The following PCDHA7 variants were observed in gnomAD, a reference collection of about 807,000 sequenced individuals.
The protein encoded by PCDHA7 is protocadherin alpha-7.
PCDHA7 carries 37 observed loss-of-function variants against 57.2 expected under a neutral mutation model. That is an observed-to-expected ratio of 0.65 (90% CI 0.50 to 0.85). The LOEUF is 0.85. Among genes scored for constraint, PCDHA7 ranks in the 40% least tolerant of loss-of-function variants. The pLI, the probability that PCDHA7 is intolerant of heterozygous loss-of-function variation, is 0.00. For synonymous variants in PCDHA7, 553 were observed against 558.8 expected (o/e 0.99, Z 0.15); for missense variants, 1,188 against 1,241.8 (o/e 0.96, Z 0.65).
At chr5:140,967,618 G>T in intron 1 of PCDHA7, 3 of 1,614,174 alleles carry the variant, frequency 1.9e-6, no homozygotes, top group Non-Finnish European at 2.5e-6. Context: ...CCTCAGACCC[G>T]GATGAGGGCT....
intron 1 of PCDHA7, chr5:140,928,089 T>G: frequency 6.2e-7 from 1 of 1,614,192 alleles, no homozygotes; most frequent in Non-Finnish European, 8.5e-7. Context: ...GCCTGCTGAT[T>G]GATGGGCCCC....
intron 3 of PCDHA7, chr5:140,989,128 G>T (rs2097330831): frequency 1.3e-5 from 2 of 152,178 alleles, no homozygotes; most frequent in Non-Finnish European, 2.9e-5. Flanking sequence ...AGAAAAATAA[G>T]ACACTTTATC....
intron 3 of PCDHA7, among the ~76,000 whole-genome samples, chr5:141,003,559 T>C (rs2098129977): frequency 6.6e-6 from 1 of 152,106 alleles, no homozygotes; most frequent in Admixed American, 6.5e-5. Context: ...GTGATCCACC[T>C]GCCTCAGACT....
At position 140,850,766 on chromosome 5, in the gene PCDHA7, G is replaced by A. The variant is rs2150497576; in HGVS notation, c.2355+14028G>A. The A allele has an allele frequency of 3.1e-6, 5 of 1,598,074 alleles. No homozygotes were observed. In the South Asian group the frequency reaches 4.4e-5, roughly 14 times the overall value. On this transcript the variant is annotated intron_variant, in intron 1 of 3. Coordinates refer to ENST00000525929, the MANE Select transcript of PCDHA7 (RefSeq NM_018910.3). ...CGTACTCGCAGCAGAGGAGGCAGAG[G>A]GTGTGCTCTGGCGAGGGTAAGCAGA...
At chr5:140,897,458 G>A (rs191522392) in intron 1 of PCDHA7, among the ~76,000 whole-genome samples, 7 of 151,428 alleles carry the variant, frequency 4.6e-5, no homozygotes, top group African/African-American at 2.4e-5. Context: ...TTGTCCTTGC[G>A]ATAGTTTACT....
chr5:141,006,343 C>T (rs1036137270), intron 3 of PCDHA7, among the ~76,000 whole-genome samples: 41 of 152,038 alleles, frequency 2.7e-4, no homozygotes, highest in African/African-American at 8.9e-4. Context: ...TCCTGAGTAG[C>T]TGGGACTATA....
chr5:140,851,635 T>TG lies in PCDHA7; in HGVS notation c.2355+14897_2355+14898insG, dbSNP rs758488624. On this transcript the variant is annotated intron_variant, in intron 1 of 3. Coordinates refer to ENST00000525929, the MANE Select transcript of PCDHA7 (RefSeq NM_018910.3). ...AGAAAATGCTTTTTAAACAAGTGTTTCCTTTCTTCAAGAAGACATTCTCCT... is the reference window on the plus strand; with the variant it reads ...AGAAAATGCTTTTTAAACAAGTGTTTGCCTTTCTTCAAGAAGACATTCTCCT... 201 of 917,124 alleles carry TG rather than the reference T, an allele frequency of 2.2e-4. 10 individuals are homozygous for TG. The highest frequency in any genetic ancestry group is 3.2e-4 in the Admixed American group (5 of 15,868). The allele number at this position is 917,124 out of a possible 1,614,324, so 56.8% of individuals were successfully genotyped here. A position where few individuals can be genotyped will look rare whatever the true frequency, so the allele number is the denominator to read the frequency against.
intron 1 of PCDHA7, chr5:140,968,919 T>C (rs2096279642): frequency 1.2e-6 from 2 of 1,614,116 alleles, no homozygotes; most frequent in South Asian, 1.1e-5. Flanking sequence ...GTGTCTTTTA[T>C]ATTTCTTTTG....
intron 1 of PCDHA7, chr5:140,877,093 G>T (rs2056846978): frequency 6.2e-7 from 1 of 1,613,178 alleles, no homozygotes; most frequent in African/African-American, 1.3e-5. Context: ...GCGCGACGCC[G>T]GCGTGCCGCC....
intron 1 of PCDHA7, among the ~76,000 whole-genome samples, chr5:140,896,577 G>A (rs1273423445): frequency 4.7e-5 from 7 of 149,554 alleles, no homozygotes; most frequent in African/African-American, 1.7e-4. Context: ...GGGTTTTGAC[G>A]TGTTGGCCAG....
In PCDHA7 at chr5:140,856,797, T is replaced by C. The variant is rs116416365; in HGVS notation, c.2355+20059T>C. The C allele has an allele frequency of 1.0e-3, 1,647 of 1,595,690 alleles. 103 individuals carry two copies. The African/African-American group carries it at 0.02, about 19-fold the overall frequency. On this transcript the variant is annotated intron_variant, in intron 1 of 3. Transcript: ENST00000525929. ...GACAGACCGGTTTATGAAGTTAAGA[T>C]GTATGAAAATCAAGTGAACCAAACA... is the stretch of plus-strand genomic sequence containing the variant.
intron 1 of PCDHA7, among the ~76,000 whole-genome samples, chr5:140,935,799 A>T (rs1423027036): frequency 1.3e-5 from 2 of 151,978 alleles, no homozygotes; most frequent in African/African-American, 4.8e-5. Flanking sequence ...TATAAACGAG[A>T]TTATTTCATA....
chr5:140,865,443 G>A (rs192930935), intron 1 of PCDHA7: 1 of 152,292 alleles, frequency 6.6e-6, no homozygotes, highest in East Asian at 1.9e-4. Context: ...TAACTTCTGA[G>A]AAGATGATTT....
chr5:140,935,405 A>G (rs1554210493), intron 1 of PCDHA7, among the ~76,000 whole-genome samples: 1 of 152,248 alleles, frequency 6.6e-6, no homozygotes, highest in Non-Finnish European at 1.5e-5. Context: ...GGACTCAAAC[A>G]ATGGACTTAG....
At chr5:140,861,150 G>T (rs2046778141) in intron 1 of PCDHA7, 1 of 154,448 alleles carries the variant, frequency 6.5e-6, no homozygotes, top group Non-Finnish European at 1.4e-5. Flanking sequence ...TCAGGAACAA[G>T]GACCAAAAGG....
At chr5:140,964,367 T>C (rs1269937571) in intron 1 of PCDHA7, among the ~76,000 whole-genome samples, 1 of 152,178 alleles carries the variant, frequency 6.6e-6, no homozygotes, top group Non-Finnish European at 1.5e-5. Context: ...ACAAGAGTGC[T>C]GAAAGGAGAG....
intron 1 of PCDHA7, among the ~76,000 whole-genome samples, chr5:140,899,276 A>G (rs1402457704): frequency 2.8e-4 from 42 of 152,318 alleles, no homozygotes; most frequent in African/African-American, 9.4e-4. Flanking sequence ...GGCAGTTTTC[A>G]AAGGGAATAC....
intron 1 of PCDHA7, among the ~76,000 whole-genome samples, chr5:140,881,030 A>G (rs959156727): frequency 6.6e-6 from 1 of 152,234 alleles, no homozygotes; most frequent in Non-Finnish European, 1.5e-5. Flanking sequence ...CCCAACAGTC[A>G]TTTCCTATAG....
chr5:140,927,317 G>A lies in PCDHA7; in HGVS notation c.2356-51632G>A, dbSNP rs782172424. ...CCCGAGTTCCTGACGCCCGGAGCCCGCTTTACTCTCCCGAATGCCCAAGAT... is the reference window on the plus strand; with the variant it reads ...CCCGAGTTCCTGACGCCCGGAGCCCACTTTACTCTCCCGAATGCCCAAGAT... On this transcript the variant is annotated intron_variant, in intron 1 of 3. Coordinates refer to ENST00000525929, the MANE Select transcript of PCDHA7 (RefSeq NM_018910.3). 3.2e-5 allele frequency: 52 copies of A among 1,614,146 alleles called. 1 individual carries two copies. The South Asian group carries it at 5.2e-4, about 16-fold the overall frequency.
Sources: gnomAD v4.1 joint callset for allele counts (sites outside exome capture counted in the v4.1 genomes callset) on GRCh38, gnomAD v4.1.1 for gene constraint, MANE v1.5 for transcripts, NCBI Gene and HGNC (gene_info 2026-07-23, HGNC 2026-07-21) for gene names.